ME1: variants seen among roughly 807,000 people sequenced by gnomAD.
The protein encoded by ME1 is malic enzyme 1.
In ME1, 74 loss-of-function variants were observed where a neutral mutation model predicts 66.4. The ratio of observed to expected loss-of-function variants is 1.11; its 90% CI spans 0.92 to 1.35. The LOEUF (loss-of-function observed/expected upper bound fraction) is 1.35. ME1 is among the 40% of genes most tolerant of loss of function. The pLI, the probability that ME1 is intolerant of heterozygous loss-of-function variation, is 0.00. For synonymous variants in ME1, 251 were observed against 235.6 expected, an observed-to-expected ratio of 1.07 and a Z score of -0.60; for missense variants, 750 against 694.1, an observed-to-expected ratio of 1.08 and a Z score of -0.90.
chr6:83,359,996 T>C (rs1437577494), intron 3 of ME1, among the ~76,000 whole-genome samples: 1 of 152,220 alleles, frequency 6.6e-6, no homozygotes, highest in African/African-American at 2.4e-5. Flanking sequence ...GTCTGACTTA[T>C]GTAGAGCTAG....
intron 6 of ME1, among the ~76,000 whole-genome samples, chr6:83,289,972 G>C (rs183646419): frequency 6.6e-5 from 10 of 152,130 alleles, no homozygotes; most frequent in African/African-American, 2.4e-4. Context: ...TGGGATTGGT[G>C]GTGATATCCC....
intron 1 of ME1, among the ~76,000 whole-genome samples, chr6:83,425,946 G>T (rs1204756729): frequency 6.6e-6 from 1 of 152,156 alleles, no homozygotes; most frequent in Admixed American, 6.5e-5. Flanking sequence ...GTTAAGAGGT[G>T]GGATTTTTAT....
intron 3 of ME1, among the ~76,000 whole-genome samples, chr6:83,388,953 T>TA (rs911307463): frequency 6.6e-6 from 1 of 151,804 alleles, no homozygotes; most frequent in African/African-American, 2.4e-5. Flanking sequence ...CCAGCTCTAC[T>TA]AAAAAAATAC....
intron 1 of ME1, among the ~76,000 whole-genome samples, chr6:83,426,418 A>T (rs1362454471): frequency 6.6e-6 from 1 of 152,238 alleles, no homozygotes; most frequent in Non-Finnish European, 1.5e-5. Context: ...ACAAACATAT[A>T]CAGAGGTACC....
In ME1 at chr6:83,302,642, C is replaced by T. The variant is rs575305467; in HGVS notation, c.704+12668G>A. ...TGCTAGGATACTATACAGAAAACTT[C>T]TCTAATCCAGTCTAGATATTTAACC... On this transcript the variant is annotated intron_variant, in intron 6 of 13. Transcript: ENST00000369705. 3.4e-4 allele frequency among the ~76,000 whole-genome samples: 52 copies of T among 152,248 alleles called. No homozygotes were observed. The South Asian group carries it at 1.0e-2, about 29-fold the overall frequency.
At chr6:83,401,584 T>G (rs1040523114) in intron 2 of ME1, among the ~76,000 whole-genome samples, 1 of 151,912 alleles carries the variant, frequency 6.6e-6, no homozygotes. Flanking sequence ...AAAGAGAAGG[T>G]TGCGAAGGAG....
At chr6:83,232,554 T>A (rs557504840) in intron 9 of ME1, among the ~76,000 whole-genome samples, 1 of 152,332 alleles carries the variant, frequency 6.6e-6, no homozygotes, top group Non-Finnish European at 1.5e-5. Flanking sequence ...AATACCTACA[T>A]GCATTGATCA....
At chr6:83,249,115 C>G (rs1790675030) in intron 7 of ME1, among the ~76,000 whole-genome samples, 1 of 152,014 alleles carries the variant, frequency 6.6e-6, no homozygotes, top group South Asian at 2.1e-4. Context: ...AAAGATTTGA[C>G]CAATTACTTT....
At chr6:83,313,925 G>A (rs1254162033) in intron 6 of ME1, among the ~76,000 whole-genome samples, 1 of 152,152 alleles carries the variant, frequency 6.6e-6, no homozygotes, top group Non-Finnish European at 1.5e-5. Flanking sequence ...CATTCTAAAT[G>A]TTGTGCAAGC....
At chr6:83,362,299 A>T (rs1286764332) in intron 3 of ME1, among the ~76,000 whole-genome samples, 4 of 152,218 alleles carry the variant, frequency 2.6e-5, no homozygotes, top group Admixed American at 6.5e-5. Flanking sequence ...GGGAAGAGGT[A>T]TGTGGATCGA....
At chr6:83,349,577 C>G (rs1768759708) in intron 4 of ME1, among the ~76,000 whole-genome samples, 1 of 152,188 alleles carries the variant, frequency 6.6e-6, no homozygotes. Flanking sequence ...GTCTTCATCC[C>G]TTCATTTAAT....
At chr6:83,417,442 G>A (rs1331554672) in intron 1 of ME1, among the ~76,000 whole-genome samples, 4 of 151,996 alleles carry the variant, frequency 2.6e-5, no homozygotes, top group East Asian at 1.9e-4. Flanking sequence ...GTGAAGTGGC[G>A]TGATCTCGGA....
Position 83,211,103 on chromosome 6 carries a change from A to G in ME1, c.*821T>C, listed in dbSNP as rs897474684. 2.6e-5 allele frequency: 4 copies of G among 152,156 alleles called. No homozygotes were observed. Among genetic ancestry groups the G allele is most frequent in the Non-Finnish European group, 5.9e-5 (4 of 68,042 alleles). The allele number at this position is 152,156 out of a possible 1,614,324, so 9.4% of individuals were successfully genotyped here. Reference sequence around the variant, plus strand: ...CAGCCCTTTCTCAAGGATCTTAACTATATACTCTCCTTTCAGACCTTCTCA... The same window carrying G: ...CAGCCCTTTCTCAAGGATCTTAACTGTATACTCTCCTTTCAGACCTTCTCA... On this transcript the variant is annotated 3_prime_UTR_variant, in exon 14 of 14. Transcript: ENST00000369705.
At chr6:83,304,877 TCAAA>T (rs1288879427) in intron 6 of ME1, among the ~76,000 whole-genome samples, 1 of 152,178 alleles carries the variant, frequency 6.6e-6, no homozygotes, top group East Asian at 1.9e-4. Context: ...ATATGTCAGC[TCAAA>T]CAATATTTAC....
intron 6 of ME1, among the ~76,000 whole-genome samples, chr6:83,256,704 G>A (rs981763445): frequency 3.9e-5 from 6 of 152,012 alleles, no homozygotes; most frequent in Admixed American, 6.6e-5. Context: ...TATACCCAAA[G>A]GATTATAAAC....
chr6:83,279,050 G>C (rs1024800221), intron 6 of ME1, among the ~76,000 whole-genome samples: 9 of 152,062 alleles, frequency 5.9e-5, no homozygotes, highest in Non-Finnish European at 1.0e-4. Flanking sequence ...AATAACAGCA[G>C]ATTACAGCTA....
In ME1 at chr6:83,392,820, G is replaced by C. The variant is rs1583414466; in HGVS notation, c.362+5547C>G. 3 of 739,064 alleles carry C rather than the reference G, an allele frequency of 4.1e-6. No homozygotes were observed. In the East Asian group the frequency reaches 8.8e-5, roughly 22 times the overall value. 45.8% of individuals were successfully genotyped at this position (739,064 alleles called of 1,614,324 possible). ...ATGCCCCCATGTTCGTGATGGGTGTGAACCATGAGAAATATGACAACAGCT... is the reference window on the plus strand; with the variant it reads ...ATGCCCCCATGTTCGTGATGGGTGTCAACCATGAGAAATATGACAACAGCT... On this transcript the variant is annotated intron_variant, in intron 3 of 13. Coordinates refer to ENST00000369705, the MANE Select transcript of ME1 (RefSeq NM_002395.6).
intron 3 of ME1, among the ~76,000 whole-genome samples, chr6:83,357,024 C>T (rs1768902938): frequency 6.6e-6 from 1 of 152,166 alleles, no homozygotes; most frequent in African/African-American, 2.4e-5. Context: ...CTTTCCTTGA[C>T]TTTCAAGACA....
intron 2 of ME1, among the ~76,000 whole-genome samples, chr6:83,401,443 T>C (rs1048163634): frequency 6.6e-6 from 1 of 152,178 alleles, no homozygotes; most frequent in South Asian, 2.1e-4. Context: ...ATGTTCAATA[T>C]ATATCGAGGA....
Sources: allele counts gnomAD v4.1 joint callset (sites outside exome capture counted in the v4.1 genomes callset), GRCh38; gene constraint gnomAD v4.1.1; transcripts MANE v1.5; gene names NCBI Gene and HGNC (gene_info 2026-07-23, HGNC 2026-07-21).